The following MAD1L1 variants were observed in gnomAD, a reference collection of about 807,000 sequenced individuals.
The protein encoded by MAD1L1 is mitotic arrest deficient 1 like 1.
Under a neutral mutation model 96.9 loss-of-function variants are expected in MAD1L1, and 95 were observed. That is an observed-to-expected ratio of 0.98 (90% CI 0.83 to 1.16). The LOEUF is 1.16. MAD1L1 is among the 50% of genes most tolerant of loss of function. The probability of loss-of-function intolerance (pLI) is 0.00; values close to 1 mark genes in which losing one functional copy is unlikely to be tolerated. For synonymous variants in MAD1L1, 473 were observed against 396.6 expected, an observed-to-expected ratio of 1.19 and a Z score of -2.29; for missense variants, 1,007 against 954.4, an observed-to-expected ratio of 1.06 and a Z score of -0.73.
chr7:2,171,001 T>C (rs898332695), intron 10 of MAD1L1, among the ~76,000 whole-genome samples: 2 of 152,092 alleles, frequency 1.3e-5, no homozygotes, highest in Non-Finnish European at 2.9e-5. Context: ...CCTTCAACAG[T>C]TCAAAGAGCA....
intron 15 of MAD1L1, among the ~76,000 whole-genome samples, chr7:1,975,002 C>T (rs2128481318): frequency 6.6e-6 from 1 of 152,364 alleles, no homozygotes; most frequent in African/African-American, 2.4e-5. Flanking sequence ...GTCACCGGCA[C>T]CACCTGCAGA....
intron 18 of MAD1L1, among the ~76,000 whole-genome samples, chr7:1,844,512 AG>A (rs1360308918): frequency 6.6e-6 from 1 of 152,092 alleles, no homozygotes; most frequent in Admixed American, 6.5e-5. Context: ...GGAGCCCTGC[AG>A]GGGGCAGAGG....
chr7:2,116,574 G>C (rs3778975), intron 11 of MAD1L1, among the ~76,000 whole-genome samples: 24 of 150,622 alleles, frequency 1.6e-4, no homozygotes, highest in Non-Finnish European at 2.2e-4. Context: ...GGTTGGGGGG[G>C]GGGGGGGCTC....
At chr7:2,136,544 T>C (rs950797138) in intron 11 of MAD1L1, among the ~76,000 whole-genome samples, 12 of 152,190 alleles carry the variant, frequency 7.9e-5, no homozygotes, top group African/African-American at 2.7e-4. Context: ...CAACTCGAGC[T>C]CAGGATGCTG....
chr7:2,232,553 G>T (rs889534053), intron 1 of MAD1L1, among the ~76,000 whole-genome samples: 2 of 152,156 alleles, frequency 1.3e-5, no homozygotes, highest in African/African-American at 4.8e-5. Flanking sequence ...CCCCGGGGCT[G>T]GGACCACGAG....
intron 5 of MAD1L1, chr7:2,220,983 A>G (rs954973597): frequency 2.5e-6 from 4 of 1,612,534 alleles, no homozygotes; most frequent in Non-Finnish European, 1.7e-6. Flanking sequence ...GAAGAGGCGC[A>G]TAAGATAATT....
chr7:2,093,674 C>T (rs1487593799), intron 11 of MAD1L1, among the ~76,000 whole-genome samples: 4 of 152,190 alleles, frequency 2.6e-5, no homozygotes, highest in East Asian at 3.8e-4. Context: ...AAAGCAGATC[C>T]GGCGAACCTA....
intron 15 of MAD1L1, among the ~76,000 whole-genome samples, chr7:1,967,870 C>A (rs142955271): frequency 6.7e-6 from 1 of 148,258 alleles, no homozygotes. Flanking sequence ...TAAACAAGTT[C>A]CGGTGCGTGC....
chr7:1,823,387 A>G (rs1782227777), intron 18 of MAD1L1, among the ~76,000 whole-genome samples: 2 of 152,176 alleles, frequency 1.3e-5, no homozygotes, highest in Admixed American at 1.3e-4. Context: ...TAAAATTAAA[A>G]TGGATAAATG....
At chr7:2,019,115 G>A (rs1375764480) in intron 12 of MAD1L1, among the ~76,000 whole-genome samples, 1 of 152,150 alleles carries the variant, frequency 6.6e-6, no homozygotes, top group African/African-American at 2.4e-5. Context: ...TCTGCCCACT[G>A]ACGCCGGCAC....
intron 10 of MAD1L1, among the ~76,000 whole-genome samples, chr7:2,162,949 C>A (rs142559036): frequency 1.9e-3 from 293 of 151,560 alleles, no homozygotes; most frequent in Middle Eastern, 0.01. Flanking sequence ...TAAAGTGGAT[C>A]CCTGTCATCT....
At chr7:2,161,671 C>A (rs1326854413) in intron 10 of MAD1L1, among the ~76,000 whole-genome samples, 4 of 150,552 alleles carry the variant, frequency 2.7e-5, no homozygotes, top group African/African-American at 7.3e-5. Flanking sequence ...AGCGTCTCTG[C>A]CCGGCCGCCC....
intron 11 of MAD1L1, among the ~76,000 whole-genome samples, chr7:2,105,994 T>TATGGCCCGCCCCTGCCCCACAC: frequency 1.1e-5 from 1 of 91,246 alleles, no homozygotes; most frequent in Non-Finnish European, 2.1e-5. Flanking sequence ...CTGCCCCACA[T>TATGGCCCGCCCCTGCCCCACAC]ATGGCCCCGC....
At chr7:2,162,327 T>G (rs1790191773) in intron 10 of MAD1L1, among the ~76,000 whole-genome samples, 1 of 152,158 alleles carries the variant, frequency 6.6e-6, no homozygotes, top group African/African-American at 2.4e-5. Context: ...CTGTGTCCAC[T>G]CAGGGTTAAA....
chr7:1,971,819 T>C (rs1038951116), intron 15 of MAD1L1, among the ~76,000 whole-genome samples: 1 of 152,050 alleles, frequency 6.6e-6, no homozygotes, highest in African/African-American at 2.4e-5. Flanking sequence ...CCAAGAAGCT[T>C]TGACACCACA....
chr7:2,065,036 G>A (rs950209870), intron 12 of MAD1L1, among the ~76,000 whole-genome samples: 4 of 152,154 alleles, frequency 2.6e-5, no homozygotes, highest in Admixed American at 2.6e-4. Flanking sequence ...GCTCATGGGA[G>A]AGCAGAGGCT....
chr7:1,981,013 C>G lies in MAD1L1; in HGVS notation c.1417-472G>C, dbSNP rs747175791. On this transcript the variant is annotated intron_variant, in intron 14 of 18. Coordinates refer to ENST00000265854, the MANE Select transcript of MAD1L1 (RefSeq NM_001013836.2). ...ATGGAGTCTCGCTCTGTCACCCAGG[C>G]TGGAGTGCAGTGGCACAATCTCGGC... 3.9e-5 allele frequency among the ~76,000 whole-genome samples: 6 copies of G among 152,348 alleles called. No homozygotes were observed. In the East Asian group the frequency reaches 7.7e-4, roughly 20 times the overall value.
chr7:2,096,735 A>T (rs1185715577), intron 11 of MAD1L1, among the ~76,000 whole-genome samples: 5 of 152,042 alleles, frequency 3.3e-5, no homozygotes, highest in Admixed American at 3.3e-4. Flanking sequence ...AGGCCCCTTC[A>T]CGAGGCCCAG....
intron 3 of MAD1L1, among the ~76,000 whole-genome samples, chr7:2,226,504 T>G (rs73041387): frequency 0.03 from 4,614 of 152,044 alleles, 113 homozygotes; most frequent in South Asian, 0.057. Flanking sequence ...GATTACAGGT[T>G]AGCTGAGCCT....
Sources: gnomAD v4.1 joint callset for allele counts (sites outside exome capture counted in the v4.1 genomes callset) on GRCh38, gnomAD v4.1.1 for gene constraint, MANE v1.5 for transcripts, NCBI Gene and HGNC (gene_info 2026-07-23, HGNC 2026-07-21) for gene names.